Variants in CR1 observed in about 807,000 individuals in gnomAD.
CR1 encodes the protein complement C3b/C4b receptor 1 (Knops blood group), also known as complement receptor type 1.
A neutral mutation model predicts 187.3 loss-of-function variants in CR1; 116 were observed. That is an observed-to-expected ratio of 0.62 (90% confidence interval 0.53 to 0.72). The LOEUF is 0.72. CR1 is among the 30% of genes least tolerant of loss of function. The pLI, the probability that CR1 is intolerant of heterozygous loss-of-function variation, is 0.00. For synonymous variants in CR1, 576 were observed against 747.1 expected (o/e 0.77, Z 3.73); for missense variants, 1,731 against 2,110.7 (o/e 0.82, Z 3.52).
intron 46 of CR1, among the ~76,000 whole-genome samples, chr1:207,632,021 T>C (rs1401388631): frequency 6.6e-6 from 1 of 152,218 alleles, no homozygotes; most frequent in African/African-American, 2.4e-5. Flanking sequence ...GTGGAAAAGG[T>C]ATTTTATAGT....
rs758794007 is a variant in CR1 at position 207,523,682 on chromosome 1, T to G, written c.559T>G (p.Tyr187Asp). 3.7e-6 allele frequency: 6 copies of G among 1,613,814 alleles called. No homozygotes were observed. In the South Asian group the frequency reaches 6.6e-5, roughly 18 times the overall value. Residue 187 changes from tyrosine to aspartate, a missense_variant, in exon 5 of 47, where the codon TAT (tyrosine) becomes GAT (aspartate). Around this residue, in one of 5 missense-constraint regions of CR1, gnomAD observed 237 missense variants for 240.4 expected, o/e 0.99. Coordinates refer to ENST00000367049, the MANE Select transcript of CR1 (RefSeq NM_000651.6). ...TAGCACCAACAGAGAGAATTTTCAC[T>G]ATGGATCAGTGGTGACCTACCGCTG... The part of the protein sequence containing the change: ...FISTNRENFH[Y>D]GSVVTYRCNP...
intron 46 of CR1, among the ~76,000 whole-genome samples, 200 bp downstream of exon 46, chr1:207,630,821 G>A (rs1362777659): frequency 2.6e-5 from 4 of 151,970 alleles, no homozygotes; most frequent in Admixed American, 6.6e-5. Flanking sequence ...GACTCTATAA[G>A]TTAGTACAGT....
chr1:207,584,266 T>G (rs368098459), intron 32 of CR1, among the ~76,000 whole-genome samples: 236 of 152,344 alleles, frequency 1.5e-3, no homozygotes, highest in African/African-American at 5.0e-3. Flanking sequence ...ATATTTATCC[T>G]GTGCTTTAAA....
chr1:207,577,252 AC>A (rs1660777036), intron 28 of CR1, among the ~76,000 whole-genome samples: 2 of 138,642 alleles, frequency 1.4e-5, no homozygotes, highest in African/African-American at 5.5e-5. Flanking sequence ...ATCTGTTAAA[AC>A]AAACAAACAA....
intron 46 of CR1, among the ~76,000 whole-genome samples, 175 bp downstream of exon 46, chr1:207,630,796 A>C (rs1408077): frequency 0.84 from 127,986 of 152,108 alleles, 54,198 homozygotes; most frequent in African/African-American, 0.91. Flanking sequence ...GTCATTTCCA[A>C]TGTTTTGGGG....
chr1:207,614,297 T>C (rs1383256359), intron 39 of CR1, 107 bp from the exon 40 acceptor site: 1 of 828,286 alleles, frequency 1.2e-6, no homozygotes, highest in Non-Finnish European at 2.0e-6. Context: ...ACCTAAATGA[T>C]AGTCGAGGAG....
chr1:207,565,707 AGCCTGTGCAACTCTGCC>A (rs1447065766), intron 23 of CR1, 114 bp from the exon 24 acceptor site: 1 of 1,184,646 alleles, frequency 8.4e-7, no homozygotes, highest in African/African-American at 1.6e-5. Context: ...AGAATAAGGT[AGCCTGTGCAACTCTGCC>A]ATCTGCTGGC....
intron 5 of CR1, among the ~76,000 whole-genome samples, chr1:207,526,546 T>C (rs562970718): frequency 2.6e-5 from 4 of 151,450 alleles, no homozygotes; most frequent in Non-Finnish European, 4.4e-5. Flanking sequence ...ACCTCTGTTT[T>C]AGTCACAGTT....
chr1:207,613,007 T>C (rs1436982778), intron 39 of CR1, among the ~76,000 whole-genome samples: 3 of 152,220 alleles, frequency 2.0e-5, no homozygotes, highest in Admixed American at 2.0e-4. Context: ...AGCTCTGGCT[T>C]GATCCGCTGC....
intron 1 of CR1, among the ~76,000 whole-genome samples, chr1:207,502,478 G>A (rs967289510): frequency 1.5e-4 from 23 of 152,164 alleles, no homozygotes; most frequent in African/African-American, 4.6e-4. Flanking sequence ...GATGCCTGAA[G>A]GAAGAATTGA....
In CR1 at chr1:207,617,592, TATATATATATATATATATATAGAGAG is replaced by T. The variant is rs1216307627; in HGVS notation, c.6890-477_6890-452del. Among the ~76,000 whole-genome samples, 154 of 36,438 alleles carry T rather than the reference TATATATATATATATATATATAGAGAG, an allele frequency of 4.2e-3. 2 individuals carry two copies. Among genetic ancestry groups the T allele is most frequent in the Middle Eastern group, 0.031 (3 of 96 alleles). The allele number at this position is 36,438 out of a possible 152,430, so 23.9% of individuals were successfully genotyped here. Reference sequence around the variant, plus strand: ...ATGTGTGTGTGTATATATATATATATATATATATATATATATATATAGAGAGAGAGAGAGAGAGAGAGAGAGAGAGA... The same window carrying T: ...ATGTGTGTGTGTATATATATATATATAGAGAGAGAGAGAGAGAGAGAGAGA... On this transcript the variant is annotated intron_variant, in intron 41 of 46. Coordinates refer to ENST00000367049, the MANE Select transcript of CR1 (RefSeq NM_000651.6).
At chr1:207,566,313 TTC>T (rs1408983604) in intron 24 of CR1, among the ~76,000 whole-genome samples, 1 of 150,166 alleles carries the variant, frequency 6.7e-6, no homozygotes, top group Non-Finnish European at 1.5e-5. Flanking sequence ...CCTTCCTCCC[TTC>T]TTTCTTTTTC....
intron 24 of CR1, 49 bp from the exon 25 acceptor site, chr1:207,567,775 C>T (rs1032287745): frequency 6.2e-7 from 1 of 1,609,516 alleles, no homozygotes; most frequent in South Asian, 1.1e-5. Context: ...TGCAGAATAC[C>T]TCTGGTGAAA....
At position 207,616,641 on chromosome 1, in the gene CR1, T is replaced by A; in HGVS notation, c.6728T>A (p.Ile2243Asn). The A allele has an allele frequency of 1.9e-6, 3 of 1,613,820 alleles. No individual in the cohort carries two copies. The highest frequency in any genetic ancestry group is 2.5e-6 in the Non-Finnish European group (3 of 1,179,746). The change falls in exon 41 of 47, where the codon ATT (isoleucine) becomes AAT (asparagine). Residue 2243 changes from isoleucine (I) to asparagine (N), a missense_variant. Transcript: ENST00000367049. ...GRHTGTPFGD[I>N]PYGKEISYAC... is the part of the protein sequence containing the mutation. ...CACACAGGAACTCCCTTTGGAGATA[T>A]TCCCTATGGAAAAGAAATATCTTAC... is the stretch of plus-strand genomic sequence containing the variant.
In CR1 at chr1:207,616,667, G is replaced by A. The variant is rs56270008; in HGVS notation, c.6754G>A (p.Ala2252Thr). ...TCCCTATGGAAAAGAAATATCTTAC[G>A]CATGCGACACCCACCCAGACAGAGG... ...DIPYGKEISYACDTHPDRGMT... is the reference protein window; with the variant it reads ...DIPYGKEISYTCDTHPDRGMT... Residue 2252 changes from alanine (A) to threonine (T), a missense_variant, in exon 41 of 47, where the codon GCA becomes ACA. Coordinates refer to ENST00000367049, the MANE Select transcript of CR1 (RefSeq NM_000651.6). 28 of 1,613,848 alleles carry A rather than the reference G, an allele frequency of 1.7e-5. No homozygotes were observed. The highest frequency in any genetic ancestry group is 6.7e-5 in the African/African-American group (5 of 74,996).
In CR1 at chr1:207,584,895, A is replaced by T; in HGVS notation, c.5530+19A>T. 1 of 1,613,628 alleles carries T rather than the reference A, an allele frequency of 6.2e-7. No homozygotes were observed. Among genetic ancestry groups the T allele is most frequent in the South Asian group, 1.1e-5 (1 of 91,060 alleles). On this transcript the variant is annotated intron_variant, in intron 33 of 46. Coordinates refer to ENST00000367049, the MANE Select transcript of CR1 (RefSeq NM_000651.6). ...CGTGCTGGTCAGTATCCACTTCCACATATCCTAAATGGGTTCAGAATATGT... is the reference window on the plus strand; with the variant it reads ...CGTGCTGGTCAGTATCCACTTCCACTTATCCTAAATGGGTTCAGAATATGT...
At chr1:207,611,541 G>T in intron 37 of CR1, 136 bp from the exon 38 acceptor site, 1 of 1,266,942 alleles carries the variant, frequency 7.9e-7, no homozygotes. Context: ...GTGAGATGTG[G>T]CTACTGAACT....
At chr1:207,524,163 T>G (rs1418644608) in intron 5 of CR1, among the ~76,000 whole-genome samples, 154 bp downstream of exon 5, 1 of 152,086 alleles carries the variant, frequency 6.6e-6, no homozygotes, top group Non-Finnish European at 1.5e-5. Flanking sequence ...AAGGTGTGTG[T>G]ACATGCACAT....
At chr1:207,625,151 A>G (rs1662442561) in intron 45 of CR1, among the ~76,000 whole-genome samples, 1 of 152,254 alleles carries the variant, frequency 6.6e-6, no homozygotes, top group Admixed American at 6.5e-5. Context: ...ACCATTTCAT[A>G]AAATTATTTC....
Sources: allele counts gnomAD v4.1 joint callset (sites outside exome capture counted in the v4.1 genomes callset), GRCh38; gene constraint gnomAD v4.1.1; regional missense constraint gnomAD v4.1.1; transcripts MANE v1.5; gene names NCBI Gene and HGNC (gene_info 2026-07-23, HGNC 2026-07-21).